Variants in CARMIL1 observed in about 807,000 individuals in gnomAD.
The protein encoded by CARMIL1 is capping protein regulator and myosin 1 linker 1, also known as F-actin-uncapping protein LRRC16A.
A neutral mutation model predicts 177.1 loss-of-function variants in CARMIL1; 90 were observed. The ratio of observed to expected loss-of-function variants is 0.51; its 90% CI spans 0.43 to 0.61. The LOEUF (loss-of-function observed/expected upper bound fraction) is 0.61. CARMIL1 is among the 20% of genes least tolerant of loss of function. CARMIL1 has a pLI of 0.00. For synonymous variants in CARMIL1, 577 were observed against 606.2 expected, an observed-to-expected ratio of 0.95 and a Z score of 0.71; for missense variants, 1,380 against 1,667.0, an observed-to-expected ratio of 0.83 and a Z score of 3.00.
chr6:25,517,232 A>G (rs978072948), intron 21 of CARMIL1, 115 bp from the exon 22 acceptor site: 32 of 699,434 alleles, frequency 4.6e-5, no homozygotes, highest in African/African-American at 1.6e-4. Context: ...CCTTGCTCAC[A>G]TAATGCAGCT....
chr6:25,329,019 A>AAAGATCTTTCTGTCATGTTG (rs1785366975), intron 2 of CARMIL1, among the ~76,000 whole-genome samples: 1 of 152,180 alleles, frequency 6.6e-6, no homozygotes, highest in Non-Finnish European at 1.5e-5. Flanking sequence ...ATGTTGGAGA[A>AAAGATCTTTCTGTCATGTTG]GACAAAAGTT....
intron 2 of CARMIL1, among the ~76,000 whole-genome samples, chr6:25,350,996 A>G (rs1328501060): frequency 6.6e-6 from 1 of 152,238 alleles, no homozygotes; most frequent in Non-Finnish European, 1.5e-5. Flanking sequence ...GTGTAAGCAT[A>G]GAAACGAGAG....
intron 2 of CARMIL1, among the ~76,000 whole-genome samples, chr6:25,389,340 A>T (rs1792507510): frequency 6.6e-6 from 1 of 150,978 alleles, no homozygotes; most frequent in East Asian, 1.9e-4. Flanking sequence ...TTTTAGTCAT[A>T]TTGTATTGTT....
intron 2 of CARMIL1, among the ~76,000 whole-genome samples, chr6:25,419,698 G>A (rs746972560): frequency 6.6e-6 from 1 of 152,168 alleles, no homozygotes; most frequent in Non-Finnish European, 1.5e-5. Context: ...GGGCAAAGGT[G>A]GGAGGTGTTT....
intron 36 of CARMIL1, 45 bp downstream of exon 36, chr6:25,610,226 A>AG (rs750439730): frequency 6.4e-7 from 1 of 1,561,498 alleles, no homozygotes; most frequent in Non-Finnish European, 8.7e-7. Flanking sequence ...GCTCTCCCCA[A>AG]GGAGGGACAT....
chr6:25,598,221 A>G (rs1380306722), intron 32 of CARMIL1, among the ~76,000 whole-genome samples: 1 of 151,456 alleles, frequency 6.6e-6, no homozygotes, highest in Non-Finnish European at 1.5e-5. Flanking sequence ...TTTTCTCTGT[A>G]CTTTTTTTCT....
intron 17 of CARMIL1, among the ~76,000 whole-genome samples, chr6:25,503,508 A>C (rs1804615735): frequency 6.6e-6 from 1 of 152,200 alleles, no homozygotes; most frequent in Admixed American, 6.5e-5. Flanking sequence ...AATGCTTGAC[A>C]CTTTGAGTGT....
At chr6:25,535,912 C>T (rs750210334) in intron 24 of CARMIL1, among the ~76,000 whole-genome samples, 13 of 152,144 alleles carry the variant, frequency 8.5e-5, no homozygotes, top group Non-Finnish European at 1.6e-4. Context: ...TTTATGTCTT[C>T]TTTGAATTGA....
chr6:25,311,800 T>C (rs1318286045), intron 2 of CARMIL1, among the ~76,000 whole-genome samples: 1 of 152,174 alleles, frequency 6.6e-6, no homozygotes, highest in Non-Finnish European at 1.5e-5. Context: ...GTCATGATCT[T>C]AGAGGGCCAG....
chr6:25,510,638 G>A (rs916720348), intron 19 of CARMIL1, 32 bp downstream of exon 19: 15 of 1,507,888 alleles, frequency 9.9e-6, no homozygotes, highest in Admixed American at 2.0e-5. Flanking sequence ...ATATGACAAT[G>A]ATGAAAATAA....
chr6:25,527,826 A>G (rs570907840), intron 23 of CARMIL1: 167 of 259,654 alleles, frequency 6.4e-4, no homozygotes, highest in African/African-American at 3.7e-3. Context: ...ATTTTAGCAT[A>G]TGGAAAATGA....
At chr6:25,322,645 T>C (rs979711521) in intron 2 of CARMIL1, among the ~76,000 whole-genome samples, 8 of 152,214 alleles carry the variant, frequency 5.3e-5, no homozygotes, top group Non-Finnish European at 8.8e-5. Flanking sequence ...AATGCTACAC[T>C]GCAGTGGTAC....
chr6:25,354,330 A>ATTT (rs67395838), intron 2 of CARMIL1, among the ~76,000 whole-genome samples: 43 of 80,604 alleles, frequency 5.3e-4, no homozygotes, highest in Non-Finnish European at 8.5e-4. Context: ...GACTAATTAA[A>ATTT]TTTTTTTTTT....
At chr6:25,519,586 G>A (rs1205129011) in intron 22 of CARMIL1, among the ~76,000 whole-genome samples, 1 of 152,132 alleles carries the variant, frequency 6.6e-6, no homozygotes, top group East Asian at 1.9e-4. Context: ...TTGGTTTCTC[G>A]AGCCTGGTGG....
At chr6:25,481,620 C>T (rs1232780747) in intron 11 of CARMIL1, among the ~76,000 whole-genome samples, 4 of 152,202 alleles carry the variant, frequency 2.6e-5, no homozygotes, top group Non-Finnish European at 5.9e-5. Flanking sequence ...ATGCTCATTG[C>T]AGTCCTTGGA....
intron 36 of CARMIL1, among the ~76,000 whole-genome samples, chr6:25,611,268 A>G (rs1193637024): frequency 5.3e-5 from 8 of 152,238 alleles, no homozygotes; most frequent in Non-Finnish European, 1.2e-4. Flanking sequence ...TTGAGACCAA[A>G]GCTGCTAAAC....
Position 25,279,498 on chromosome 6 carries a change from C to CCGCCCCG in CARMIL1, c.-285_-279dup, listed in dbSNP as rs912774441. The CCGCCCCG allele has an allele frequency of 1.9e-4, 92 of 486,662 alleles. No individual in the cohort carries two copies. Among genetic ancestry groups the CCGCCCCG allele is most frequent in the Non-Finnish European group, 2.5e-4 (68 of 268,332 alleles). The allele number at this position is 486,662 out of a possible 1,614,324, so 30.1% of individuals were successfully genotyped here. On this transcript the variant is annotated 5_prime_UTR_variant, in exon 1 of 37. Coordinates refer to ENST00000329474, the MANE Select transcript of CARMIL1 (RefSeq NM_017640.6). ...CCGGGAGGAGGAGCAGGCGCCACAG[C>CCGCCCCG]CGCCCCGCGCCCCGCGCCCGCTTGT...
At position 25,556,921 on chromosome 6, in the gene CARMIL1, T is replaced by TA. The variant is rs57318254; in HGVS notation, c.2742+74dup. The TA allele has an allele frequency of 1.6e-4, 221 of 1,355,118 alleles. 4 individuals carry two copies. Among genetic ancestry groups the TA allele is most frequent in the Middle Eastern group, 9.4e-4 (5 of 5,298 alleles). 83.9% of individuals were successfully genotyped at this position (1,355,118 alleles called of 1,614,324 possible). On this transcript the variant is annotated intron_variant, in intron 29 of 36. Transcript: ENST00000329474. The stretch of plus-strand genomic sequence containing the variant: ...GTGCCATTGTTTTTTTTTTTTTTTT[T>TA]AAATCTCACCTTTTGAAATCAGACC...
intron 1 of CARMIL1, among the ~76,000 whole-genome samples, chr6:25,281,700 A>G (rs1215636889): frequency 6.6e-6 from 1 of 152,152 alleles, no homozygotes; most frequent in Non-Finnish European, 1.5e-5. Context: ...AAATACCTGC[A>G]CCTGCTTTCC....
Sources: gnomAD v4.1 joint callset for allele counts (sites outside exome capture counted in the v4.1 genomes callset) on GRCh38, gnomAD v4.1.1 for gene constraint, MANE v1.5 for transcripts, NCBI Gene and HGNC (gene_info 2026-07-23, HGNC 2026-07-21) for gene names.